Variants in TNFRSF8 observed in about 807,000 individuals in gnomAD.
TNFRSF8 encodes tumor necrosis factor receptor superfamily member 8.
A neutral mutation model predicts 70.8 loss-of-function variants in TNFRSF8; 26 were observed. That is an observed-to-expected ratio of 0.37 (90% CI 0.27 to 0.51). The LOEUF is 0.51. Ranked by LOEUF, TNFRSF8 falls within the 20% of genes least tolerant of loss-of-function variation. TNFRSF8 has a pLI of 0.94. For synonymous variants in TNFRSF8, 356 were observed against 339.2 expected (o/e 1.05, Z -0.54); for missense variants, 720 against 807.9 (o/e 0.89, Z 1.32).
chr1:12,110,276 G>T lies in TNFRSF8; in HGVS notation c.676+72G>T. 6.9e-7 allele frequency: 1 copy of T among 1,447,980 alleles called. No homozygotes were observed. 89.7% of individuals were successfully genotyped at this position (1,447,980 alleles called of 1,614,324 possible). A position where few individuals can be genotyped will look rare whatever the true frequency, so the allele number is the denominator to read the frequency against. On this transcript the variant is annotated intron_variant, in intron 6 of 14. Coordinates refer to ENST00000263932, the MANE Select transcript of TNFRSF8 (RefSeq NM_001243.5). This position sits in a 1 kb window ranked among gnomAD's most constrained non-coding sequence, Gnocchi z 4.0. Reference sequence around the variant, plus strand: ...TGGTGGATGGCCCATGAGTGGGGGTGTTTGGAGCAGGCGGGCAGTGATCTG... The same window carrying T: ...TGGTGGATGGCCCATGAGTGGGGGTTTTTGGAGCAGGCGGGCAGTGATCTG...
chr1:12,116,886 G>C (rs1641741409), intron 8 of TNFRSF8, among the ~76,000 whole-genome samples: 1 of 152,122 alleles, frequency 6.6e-6, no homozygotes, highest in South Asian at 2.1e-4. Flanking sequence ...CTTGCTTCTA[G>C]GACCCCCAGA....
intron 2 of TNFRSF8, among the ~76,000 whole-genome samples, chr1:12,089,650 G>T (rs939859265): frequency 6.6e-6 from 1 of 152,168 alleles, no homozygotes. Context: ...AGAAGGACAA[G>T]GTCCTGCCTC....
chr1:12,069,285 T>C (rs1159338669), intron 1 of TNFRSF8, among the ~76,000 whole-genome samples: 1 of 149,464 alleles, frequency 6.7e-6, no homozygotes, highest in African/African-American at 2.5e-5. Context: ...TTCAAGTGAT[T>C]CTCCTGCCTC....
intron 2 of TNFRSF8, among the ~76,000 whole-genome samples, chr1:12,087,979 A>G (rs1174411843): frequency 2.6e-5 from 4 of 152,014 alleles, no homozygotes; most frequent in Non-Finnish European, 5.9e-5. Context: ...GAGAAGAAAA[A>G]AGAAAAACCC....
intron 12 of TNFRSF8, 77 bp downstream of exon 12, chr1:12,126,313 C>T: frequency 6.4e-7 from 1 of 1,554,932 alleles, no homozygotes; most frequent in Non-Finnish European, 8.9e-7. Flanking sequence ...GCGTGGGCTC[C>T]AGAGACTGAA....
intron 8 of TNFRSF8, among the ~76,000 whole-genome samples, chr1:12,118,046 G>A (rs1327478610): frequency 6.6e-6 from 1 of 152,176 alleles, no homozygotes; most frequent in East Asian, 1.9e-4. Context: ...TATGATGGCT[G>A]AGTAGTATTC....
At chr1:12,123,627 C>G (rs1001349515) in intron 9 of TNFRSF8, 88 bp from the exon 10 acceptor site, 2 of 1,201,378 alleles carry the variant, frequency 1.7e-6, no homozygotes, top group Non-Finnish European at 2.4e-6. Context: ...GCTCTGGTTG[C>G]GCAGTCTCCA....
At chr1:12,075,251 A>T (rs141468824) in intron 1 of TNFRSF8, among the ~76,000 whole-genome samples, 68 of 143,938 alleles carry the variant, frequency 4.7e-4, no homozygotes, top group East Asian at 4.2e-3. Flanking sequence ...CAAAAAAAAA[A>T]TTTTTTTTTT....
At chr1:12,123,146 C>T (rs780872398) in intron 8 of TNFRSF8, 138 bp from the exon 9 acceptor site, 2 of 694,380 alleles carry the variant, frequency 2.9e-6, no homozygotes, top group Non-Finnish European at 4.7e-6. Context: ...CCACTTTGAT[C>T]TTTTGAAACA....
At chr1:12,105,527 CCTCT>C (rs36180612) in intron 4 of TNFRSF8, among the ~76,000 whole-genome samples, 33,914 of 145,764 alleles carry the variant, frequency 0.23, 4,163 homozygotes, top group South Asian at 0.37. Context: ...TGAATCTGAT[CCTCT>C]CTCTCTCTCT....
At chr1:12,080,525 C>T in intron 1 of TNFRSF8, 1 of 468,822 alleles carries the variant, frequency 2.1e-6, no homozygotes, top group Non-Finnish European at 4.1e-6. Context: ...CCTGGGAACG[C>T]TCTTTCGAGG....
Position 12,112,392 on chromosome 1 carries a change from C to CTT in TNFRSF8, c.793+390_793+391dup, listed in dbSNP as rs767157710. On this transcript the variant is annotated intron_variant, in intron 7 of 14. Transcript: ENST00000263932. This position sits in a 1 kb window ranked among gnomAD's most constrained non-coding sequence, Gnocchi z 5.3. ...TCGCTGCCCCTATGAGCCACTTATT[C>CTT]TTTTTTTTTTTTTCCCAGACAGGGT... 6.9e-6 allele frequency among the ~76,000 whole-genome samples: 1 copy of CTT among 144,684 alleles called. No homozygotes were observed. Among genetic ancestry groups the CTT allele is most frequent in the Non-Finnish European group, 1.5e-5 (1 of 65,622 alleles). 94.9% of individuals were successfully genotyped at this position (144,684 alleles called of 152,430 possible).
chr1:12,120,704 TTTC>T (rs2101021784), intron 8 of TNFRSF8, among the ~76,000 whole-genome samples: 1 of 152,278 alleles, frequency 6.6e-6, no homozygotes. Flanking sequence ...GGCAGGTTCT[TTTC>T]TTCTCTTCCA....
rs76723974 is a variant in TNFRSF8, at chr1:12,091,457, C to G, written c.152-5644C>G. Among the ~76,000 whole-genome samples the G allele has an allele frequency of 7.4e-3, 1,121 of 152,246 alleles. 11 individuals are homozygous for G. Among genetic ancestry groups the G allele is most frequent in the African/African-American group, 0.025 (1,045 of 41,528 alleles). On this transcript the variant is annotated intron_variant, in intron 2 of 14. Transcript: ENST00000263932. The stretch of plus-strand genomic sequence containing the variant: ...CCATCAAACATTGGTGGAACTGCTC[C>G]TGGGGTGGTACATCTTGGTAGGTCT...
At position 12,088,192 on chromosome 1, in the gene TNFRSF8, T is replaced by C. The variant is rs1641187722; in HGVS notation, c.151+3641T>C. Among the ~76,000 whole-genome samples the C allele has an allele frequency of 6.6e-6, 1 of 152,148 alleles. No individual in the cohort carries two copies. Among genetic ancestry groups the C allele is most frequent in the African/African-American group, 2.4e-5 (1 of 41,414 alleles). On this transcript the variant is annotated intron_variant, in intron 2 of 14. Coordinates refer to ENST00000263932, the MANE Select transcript of TNFRSF8 (RefSeq NM_001243.5). The surrounding 1 kb of genome is among the most constrained non-coding windows in gnomAD (Gnocchi z 4.0). ...CCTGTGATGCCCTCTCCAGCATTCC[T>C]GAGAGCAGGTCCCCAGCCCTTTGCT...
At chr1:12,100,688 G>T (rs1641407160) in intron 3 of TNFRSF8, among the ~76,000 whole-genome samples, 1 of 152,204 alleles carries the variant, frequency 6.6e-6, no homozygotes, top group South Asian at 2.1e-4. Flanking sequence ...AGCGTGCAGT[G>T]ACTCACACCT....
intron 8 of TNFRSF8, among the ~76,000 whole-genome samples, chr1:12,123,028 C>T (rs528793680): frequency 5.9e-5 from 9 of 152,102 alleles, no homozygotes; most frequent in East Asian, 1.9e-4. Context: ...GGGGTTTCAC[C>T]GTGTTGGTCA....
intron 7 of TNFRSF8, among the ~76,000 whole-genome samples, 153 bp from the exon 8 acceptor site, chr1:12,115,424 T>C (rs1308737328): frequency 2.0e-5 from 3 of 152,210 alleles, no homozygotes; most frequent in Non-Finnish European, 4.4e-5. Context: ...TTGAGCATGC[T>C]GGGAGAGCTG....
In TNFRSF8 at chr1:12,114,588, A is replaced by G. The variant is rs191648595; in HGVS notation, c.794-989A>G. ...TGCAGTCGTTCTGTATTTACCTCTA[A>G]GTGGAGCGTTGCAAAATATTCCCGA... On this transcript the variant is annotated intron_variant, in intron 7 of 14. Coordinates refer to ENST00000263932, the MANE Select transcript of TNFRSF8 (RefSeq NM_001243.5). Among the ~76,000 whole-genome samples the G allele has an allele frequency of 2.2e-4, 33 of 151,362 alleles. No homozygotes were observed. In the East Asian group the frequency reaches 5.4e-3, roughly 25 times the overall value.
Sources: gnomAD v4.1 joint callset for allele counts (sites outside exome capture counted in the v4.1 genomes callset) on GRCh38, gnomAD v4.1.1 for gene constraint, Gnocchi (gnomAD v3.1) non-coding constraint, MANE v1.5 for transcripts, NCBI Gene and HGNC (gene_info 2026-07-23, HGNC 2026-07-21) for gene names.